The following DNAH12 variants were observed in gnomAD, a reference collection of about 807,000 sequenced individuals.
The protein encoded by DNAH12 is dynein axonemal heavy chain 12.
In DNAH12, 285 loss-of-function variants were observed where a neutral mutation model predicts 371.5. The ratio of observed to expected loss-of-function variants is 0.77; its 90% CI spans 0.70 to 0.85. The LOEUF (loss-of-function observed/expected upper bound fraction) is 0.85, where lower values mean the gene tolerates loss of function less well. Ranked by LOEUF, DNAH12 falls within the 40% of genes least tolerant of loss-of-function variation. The pLI is 0.00. For synonymous variants in DNAH12, 1,200 were observed against 1,213.0 expected (o/e 0.99, Z 0.22); for missense variants, 3,611 against 3,689.4 (o/e 0.98, Z 0.55).
intron 2 of DNAH12, among the ~76,000 whole-genome samples, chr3:57,530,083 T>C (rs1461744201): frequency 6.6e-6 from 1 of 152,148 alleles, no homozygotes; most frequent in African/African-American, 2.4e-5. Context: ...TTTATTCCAT[T>C]GTGGTCAGAG....
chr3:57,510,099 T>G (rs901004951), intron 5 of DNAH12, among the ~76,000 whole-genome samples: 29 of 151,914 alleles, frequency 1.9e-4, no homozygotes, highest in African/African-American at 6.8e-4. Flanking sequence ...ATTTGTCAAT[T>G]TTTAAAAAGG....
intron 13 of DNAH12, among the ~76,000 whole-genome samples, chr3:57,482,588 T>C (rs935766747): frequency 4.6e-5 from 7 of 152,024 alleles, no homozygotes; most frequent in Admixed American, 6.6e-5. Context: ...ACCCAAAGGA[T>C]TATAAATCAT....
intron 2 of DNAH12, among the ~76,000 whole-genome samples, chr3:57,537,741 G>A (rs1253599926): frequency 1.3e-5 from 2 of 149,668 alleles, no homozygotes; most frequent in African/African-American, 2.5e-5. Context: ...CTGGAGCGCA[G>A]TGGCATGATC....
At chr3:57,540,765 T>C (rs974822005) in intron 2 of DNAH12, among the ~76,000 whole-genome samples, 1 of 151,652 alleles carries the variant, frequency 6.6e-6, no homozygotes, top group African/African-American at 2.4e-5. Flanking sequence ...CCATGTCTCT[T>C]CAAAAATACA....
upstream of DNAH12, among the ~76,000 whole-genome samples, chr3:57,544,706 A>T (rs1274711192): frequency 1.3e-5 from 2 of 152,204 alleles, no homozygotes; most frequent in Non-Finnish European, 2.9e-5. Context: ...AATCAGCAAT[A>T]TAATTTATCT....
At chr3:57,379,517 C>A (rs1274509989) in intron 51 of DNAH12, among the ~76,000 whole-genome samples, 1 of 151,962 alleles carries the variant, frequency 6.6e-6, no homozygotes, top group Non-Finnish European at 1.5e-5. Context: ...GATATTAAGG[C>A]AAAATGTTTC....
chr3:57,456,739 A>G (rs1238571885), intron 22 of DNAH12, among the ~76,000 whole-genome samples: 1 of 152,136 alleles, frequency 6.6e-6, no homozygotes, highest in Non-Finnish European at 1.5e-5. Flanking sequence ...TTCAATTTTA[A>G]TATATCTAAA....
intron 45 of DNAH12, among the ~76,000 whole-genome samples, chr3:57,389,473 A>C (rs971909060): frequency 1.3e-5 from 2 of 152,068 alleles, no homozygotes. Flanking sequence ...TATATTATCA[A>C]GTATTCACGT....
chr3:57,502,872 GT>G (rs2067605252), intron 9 of DNAH12, among the ~76,000 whole-genome samples: 1 of 151,976 alleles, frequency 6.6e-6, no homozygotes, highest in East Asian at 1.9e-4. Context: ...TAGAGATGGG[GT>G]TTCACAGTGT....
intron 29 of DNAH12, among the ~76,000 whole-genome samples, chr3:57,437,963 G>A (rs192244394): frequency 2.8e-3 from 428 of 152,302 alleles, no homozygotes; most frequent in Non-Finnish European, 4.7e-3. Context: ...GATTAGCAAT[G>A]CAACCTAGCT....
intron 4 of DNAH12, among the ~76,000 whole-genome samples, chr3:57,516,053 CTTT>C (rs11395278): frequency 1.4e-5 from 1 of 71,964 alleles, no homozygotes; most frequent in East Asian, 5.2e-4. Flanking sequence ...ACTGCTTAGT[CTTT>C]TTTTTTTTTT....
At position 57,429,844 on chromosome 3, in the gene DNAH12, T is replaced by G; in HGVS notation, c.4981-70A>C. 3.1e-6 allele frequency: 4 copies of G among 1,287,508 alleles called. No homozygotes were observed. In the South Asian group the frequency reaches 6.5e-5, roughly 21 times the overall value. The allele number at this position is 1,287,508 out of a possible 1,614,324, so 79.8% of individuals were successfully genotyped here. ...GTTTCTCAGATAAAAATTTATACTA[T>G]GTATAAAATAAAGTAGCTCCTGTGA... On this transcript the variant is annotated intron_variant, in intron 32 of 73. Transcript: ENST00000495027.
intron 15 of DNAH12, among the ~76,000 whole-genome samples, chr3:57,470,895 C>T (rs147399403): frequency 8.4e-4 from 128 of 152,156 alleles, no homozygotes; most frequent in African/African-American, 2.9e-3. Flanking sequence ...TTAGTAGAGA[C>T]GGGGTTTTGC....
chr3:57,296,285 C>T, intron 72 of DNAH12, 59 bp downstream of exon 72: 1 of 1,307,934 alleles, frequency 7.6e-7, no homozygotes, highest in South Asian at 1.6e-5. Flanking sequence ...CAACAGATTG[C>T]TTATCTTATC....
At chr3:57,527,623 C>T (rs1393620345) in intron 2 of DNAH12, among the ~76,000 whole-genome samples, 1 of 152,156 alleles carries the variant, frequency 6.6e-6, no homozygotes, top group African/African-American at 2.4e-5. Flanking sequence ...GGGGATGGTG[C>T]TTAACCATTT....
At position 57,419,409 on chromosome 3, in the gene DNAH12, A is replaced by C; in HGVS notation, c.5672T>G (p.Ile1891Ser). 6.6e-7 allele frequency: 1 copy of C among 1,512,620 alleles called. No individual in the cohort carries two copies. The highest frequency in any genetic ancestry group is 8.8e-7 in the Non-Finnish European group (1 of 1,135,250). The allele number at this position is 1,512,620 out of a possible 1,614,324, so 93.7% of individuals were successfully genotyped here. A position where few individuals can be genotyped will look rare whatever the true frequency, so the allele number is the denominator to read the frequency against. The change falls in exon 37 of 74, where the codon ATT becomes AGT. Residue 1891 changes from isoleucine (I) to serine (S), a missense_variant. Physicochemically the swap from Ile to Ser is moderately radical, Grantham distance 142. Coordinates refer to ENST00000495027, the MANE Select transcript of DNAH12 (RefSeq NM_001366028.2). ...QDIIVPTMDT[I>S]RYTFLMDLSI... ...CAAATCCATTAGAAACGTATATCTA[A>C]TTGTGTCCATCGTAGGGACTATGAT...
chr3:57,351,051 A>G (rs1398943295), intron 60 of DNAH12, among the ~76,000 whole-genome samples: 1 of 151,796 alleles, frequency 6.6e-6, no homozygotes, highest in South Asian at 2.1e-4. Flanking sequence ...CAGGCAGATC[A>G]CGAGGTCAGG....
At chr3:57,433,919 A>G (rs2065038248) in intron 30 of DNAH12, 91 bp from the exon 31 acceptor site, 8 of 1,101,558 alleles carry the variant, frequency 7.3e-6, no homozygotes, top group Non-Finnish European at 7.1e-6. Context: ...TGTGATAATT[A>G]CTACTTATAA....
intron 41 of DNAH12, 125 bp downstream of exon 41, chr3:57,405,528 C>G (rs570233609): frequency 4.4e-4 from 490 of 1,110,874 alleles, no homozygotes; most frequent in Non-Finnish European, 5.7e-4. Flanking sequence ...AAAACAAACA[C>G]CTATTTACAA....
Sources: allele counts gnomAD v4.1 joint callset (sites outside exome capture counted in the v4.1 genomes callset), GRCh38; gene constraint gnomAD v4.1.1; transcripts MANE v1.5; gene names NCBI Gene and HGNC (gene_info 2026-07-23, HGNC 2026-07-21).